The following SPMIP6 variants were observed in gnomAD, a reference collection of about 807,000 sequenced individuals.
SPMIP6 encodes sperm microtubule inner protein 6, also known as ciliated bronchial epithelial protein 1.
the SPMIP6 span, chr9:34,380,696 G>T: frequency 1.3e-6 from 2 of 1,547,726 alleles, no homozygotes; most frequent in South Asian, 2.4e-5. Flanking sequence ...AGTAACCTTC[G>T]TGCTGGTTCT....
At chr9:34,380,574 C>T in the SPMIP6 span, 2 of 1,377,710 alleles carry the variant, frequency 1.5e-6, no homozygotes, top group South Asian at 1.5e-5. Context: ...GAGGATGCGA[C>T]TGATGTGCGG....
the SPMIP6 span, among the ~76,000 whole-genome samples, chr9:34,395,523 T>G: frequency 6.6e-6 from 1 of 152,220 alleles, no homozygotes; most frequent in Non-Finnish European, 1.5e-5. Flanking sequence ...TTCTCCAAAG[T>G]TATGTCCTTG....
At chr9:34,396,437 C>T in the SPMIP6 span, among the ~76,000 whole-genome samples, 1 of 152,192 alleles carries the variant, frequency 6.6e-6, no homozygotes, top group African/African-American at 2.4e-5. Flanking sequence ...TTCCTGCCCT[C>T]AACCCCAGCC....
the SPMIP6 span, chr9:34,380,590 C>T: frequency 2.8e-6 from 4 of 1,431,332 alleles, no homozygotes; most frequent in South Asian, 4.3e-5. Context: ...TGCGGGGTTT[C>T]TTCCTCAAAA....
At chr9:34,393,742 T>C in the SPMIP6 span, among the ~76,000 whole-genome samples, 2 of 152,198 alleles carry the variant, frequency 1.3e-5, no homozygotes, top group African/African-American at 4.8e-5. Context: ...TTTCATATCA[T>C]TTAATGTTTC....
the SPMIP6 span, among the ~76,000 whole-genome samples, chr9:34,384,691 C>G: frequency 2.0e-5 from 3 of 152,060 alleles, no homozygotes; most frequent in Admixed American, 6.5e-5. Context: ...GTGCTGTGCT[C>G]GATGGAGGGG....
the SPMIP6 span, chr9:34,381,624 A>C: frequency 7.0e-7 from 1 of 1,435,056 alleles, no homozygotes; most frequent in East Asian, 2.5e-5. The surrounding 1 kb of genome is among the most constrained non-coding windows in gnomAD (Gnocchi z 4.4). Context: ...TTACATCGCC[A>C]ACAGGGGCGG....
At chr9:34,386,163 C>A in the SPMIP6 span, among the ~76,000 whole-genome samples, 2 of 152,182 alleles carry the variant, frequency 1.3e-5, no homozygotes, top group African/African-American at 4.8e-5. Context: ...GCCAACAGTG[C>A]ATCAGGCCCC....
the SPMIP6 span, chr9:34,381,256 T>C: frequency 3.2e-6 from 5 of 1,582,812 alleles, no homozygotes; most frequent in African/African-American, 1.3e-5. This position sits in a 1 kb window ranked among gnomAD's most constrained non-coding sequence, Gnocchi z 4.4. Context: ...GGTTCCACCC[T>C]CTCCAGGACC....
At chr9:34,397,187 C>T in the SPMIP6 span, among the ~76,000 whole-genome samples, 1 of 152,164 alleles carries the variant, frequency 6.6e-6, no homozygotes, top group Non-Finnish European at 1.5e-5. Context: ...AGAGGGTTTT[C>T]CATGACCTAA....
At chr9:34,381,625 A>G in the SPMIP6 span, 5 of 1,438,054 alleles carry the variant, frequency 3.5e-6, no homozygotes, top group African/African-American at 1.4e-5. The surrounding 1 kb of genome is among the most constrained non-coding windows in gnomAD (Gnocchi z 4.4). Flanking sequence ...TACATCGCCA[A>G]CAGGGGCGGG....
At chr9:34,382,821 C>T in the SPMIP6 span, 6 of 1,614,146 alleles carry the variant, frequency 3.7e-6, no homozygotes, top group South Asian at 5.5e-5. Context: ...TTCCATCCTC[C>T]ATGTGTTGTA....
the SPMIP6 span, among the ~76,000 whole-genome samples, chr9:34,386,233 G>A: frequency 1.3e-5 from 2 of 152,300 alleles, no homozygotes; most frequent in Non-Finnish European, 1.5e-5. Context: ...TCTTGGACAG[G>A]AAAGGCTCTC....
At chr9:34,385,389 G>A in the SPMIP6 span, among the ~76,000 whole-genome samples, 2 of 151,674 alleles carry the variant, frequency 1.3e-5, no homozygotes, top group Non-Finnish European at 2.9e-5. Context: ...AAAATTAGCC[G>A]GGCCTGGTGG....
chr9:34,386,188 G>T, the SPMIP6 span, among the ~76,000 whole-genome samples: 1 of 152,154 alleles, frequency 6.6e-6, no homozygotes, highest in Non-Finnish European at 1.5e-5. Flanking sequence ...TCAGAAAAGA[G>T]GGCTACCCTG....
At chr9:34,382,676 A>G in the SPMIP6 span, 1 of 886,438 alleles carries the variant, frequency 1.1e-6, no homozygotes, top group Non-Finnish European at 1.9e-6. Context: ...ATGGTGAAAT[A>G]TCAGTCACTG....
At chr9:34,393,308 T>A in the SPMIP6 span, among the ~76,000 whole-genome samples, 1 of 152,232 alleles carries the variant, frequency 6.6e-6, no homozygotes, top group Non-Finnish European at 1.5e-5. Flanking sequence ...TAAATTTACC[T>A]CATGTTTATC....
the SPMIP6 span, chr9:34,385,772 G>A: frequency 6.2e-7 from 1 of 1,613,290 alleles, no homozygotes; most frequent in Non-Finnish European, 8.5e-7. Flanking sequence ...TCCATGGTAT[G>A]AGTCAGACCC....
At chr9:34,390,686 A>T in the SPMIP6 span, among the ~76,000 whole-genome samples, 1 of 152,042 alleles carries the variant, frequency 6.6e-6, no homozygotes, top group Non-Finnish European at 1.5e-5. Context: ...TTATTTTCTT[A>T]TACACTTTTG....
Sources: gnomAD v4.1 joint callset for allele counts (sites outside exome capture counted in the v4.1 genomes callset) on GRCh38, gnomAD v4.1.1 for gene constraint, Gnocchi (gnomAD v3.1) non-coding constraint, MANE v1.5 for transcripts, NCBI Gene and HGNC (gene_info 2026-07-23, HGNC 2026-07-21) for gene names.